RGS8: variants seen among roughly 807,000 people sequenced by gnomAD.
The protein encoded by RGS8 is regulator of G protein signaling 8, also known as regulator of G-protein signaling 8.
In RGS8, 8 loss-of-function variants were observed where a neutral mutation model predicts 21.7. The observed-to-expected ratio is 0.37, with a 90% CI of 0.22 to 0.66. The LOEUF (loss-of-function observed/expected upper bound fraction) is 0.66. Among genes scored for constraint, RGS8 ranks in the 30% least tolerant of loss-of-function variants. The pLI is 0.59. For synonymous variants in RGS8, 80 were observed against 83.6 expected, an observed-to-expected ratio of 0.96 and a Z score of 0.24; for missense variants, 157 against 217.9, an observed-to-expected ratio of 0.72 and a Z score of 1.76.
the RGS8 span, among the ~76,000 whole-genome samples, chr1:182,726,181 T>C: frequency 2.1e-5 from 3 of 144,802 alleles, no homozygotes; most frequent in Middle Eastern, 3.5e-3. Context: ...GTGATGCTAA[T>C]CTCAAAAAAA....
the RGS8 span, among the ~76,000 whole-genome samples, chr1:182,691,960 G>C: frequency 2.6e-5 from 4 of 150,950 alleles, no homozygotes; most frequent in Admixed American, 1.3e-4. Context: ...CTTCAGCAAA[G>C]TTTCAGGATA....
chr1:182,748,906 G>A, the RGS8 span, among the ~76,000 whole-genome samples: 1 of 152,054 alleles, frequency 6.6e-6, no homozygotes, highest in Non-Finnish European at 1.5e-5. Context: ...GTCTTCTTTT[G>A]GGAAATGCTT....
chr1:182,657,177 AATAGAGCCAGCTCCACACTG>A (rs986872722), intron 5 of RGS8, among the ~76,000 whole-genome samples: 18 of 149,374 alleles, frequency 1.2e-4, no homozygotes, highest in African/African-American at 4.5e-4. Flanking sequence ...TACTGCGTGG[AATAGAGCCAGCTCCACACTG>A]TTTCTCCCCT....
the RGS8 span, among the ~76,000 whole-genome samples, chr1:182,728,809 A>T: frequency 6.6e-6 from 1 of 152,218 alleles, no homozygotes. Context: ...GGACAAGTTT[A>T]CTATTTAGAA....
the RGS8 span, among the ~76,000 whole-genome samples, chr1:182,747,043 C>CTGTTTTTTTTTTTT: frequency 4.8e-5 from 1 of 21,028 alleles, no homozygotes; most frequent in African/African-American, 1.4e-4. Context: ...CACTGCTGGT[C>CTGTTTTTTTTTTTT]TTTTTTTTTT....
At chr1:182,664,632 T>C (rs1663766031) in intron 5 of RGS8, among the ~76,000 whole-genome samples, 1 of 152,246 alleles carries the variant, frequency 6.6e-6, no homozygotes, top group South Asian at 2.1e-4. Flanking sequence ...AAATCCTAAA[T>C]ATTATTATAC....
At chr1:182,745,471 T>A in the RGS8 span, among the ~76,000 whole-genome samples, 1 of 152,216 alleles carries the variant, frequency 6.6e-6, no homozygotes, top group African/African-American at 2.4e-5. Flanking sequence ...AGCAGAACCT[T>A]GATCGGGCAA....
intron 3 of RGS8, among the ~76,000 whole-genome samples, chr1:182,668,261 A>G (rs551246): frequency 0.08 from 12,254 of 152,240 alleles, 1,261 homozygotes; most frequent in African/African-American, 0.24. Context: ...TAAGTGGGAC[A>G]GGTTTAGTAT....
chr1:182,656,131 A>G (rs1663265811), intron 5 of RGS8, among the ~76,000 whole-genome samples: 1 of 152,222 alleles, frequency 6.6e-6, no homozygotes, highest in South Asian at 2.1e-4. Flanking sequence ...AGTGTGTTTT[A>G]TAAATAAGGA....
the RGS8 span, among the ~76,000 whole-genome samples, chr1:182,725,487 C>T: frequency 6.6e-6 from 1 of 152,096 alleles, no homozygotes; most frequent in African/African-American, 2.4e-5. Context: ...AGCCAGCTGG[C>T]CATCCAGCAG....
chr1:182,731,804 C>G, the RGS8 span, among the ~76,000 whole-genome samples: 1 of 152,228 alleles, frequency 6.6e-6, no homozygotes, highest in Non-Finnish European at 1.5e-5. Context: ...TGAAAAACAG[C>G]AGTATAATAG....
At chr1:182,653,031 T>G (rs2102413509) in intron 5 of RGS8, among the ~76,000 whole-genome samples, 1 of 152,286 alleles carries the variant, frequency 6.6e-6, no homozygotes, top group South Asian at 2.1e-4. Flanking sequence ...GCTTATAGGA[T>G]AGCATACACC....
At chr1:182,688,372 C>G (rs146278106), upstream of RGS8, among the ~76,000 whole-genome samples, 503 of 152,192 alleles carry the variant, frequency 3.3e-3, 1 homozygote, top group African/African-American at 0.011. Context: ...CTCTCTCTCT[C>G]TCTCTCATCT....
the RGS8 span, among the ~76,000 whole-genome samples, chr1:182,721,872 A>G: frequency 6.6e-6 from 1 of 152,234 alleles, no homozygotes; most frequent in Non-Finnish European, 1.5e-5. Context: ...TCTTCCAATC[A>G]CATGTATATA....
At chr1:182,672,971 C>A, upstream of RGS8, 2 of 900,948 alleles carry the variant, frequency 2.2e-6, no homozygotes, top group Non-Finnish European at 3.6e-6. Context: ...AGGCCCCACC[C>A]CTAGACCTAC....
chr1:182,742,332 G>T, the RGS8 span, among the ~76,000 whole-genome samples: 1 of 151,642 alleles, frequency 6.6e-6, no homozygotes, highest in East Asian at 1.9e-4. Flanking sequence ...CTTCCCAGAC[G>T]GGGTGGCGGC....
At chr1:182,698,148 T>C in the RGS8 span, among the ~76,000 whole-genome samples, 1 of 152,340 alleles carries the variant, frequency 6.6e-6, no homozygotes, top group East Asian at 1.9e-4. Flanking sequence ...CAGTGGCTGC[T>C]GGCCACTAGA....
intron 1 of RGS8, among the ~76,000 whole-genome samples, chr1:182,680,939 C>T (rs1164356463): frequency 1.3e-5 from 2 of 152,244 alleles, no homozygotes; most frequent in South Asian, 2.1e-4. Flanking sequence ...CAAGCTCCAA[C>T]TCTGCCCCTT....
the RGS8 span, among the ~76,000 whole-genome samples, chr1:182,702,659 CA>C: frequency 3.3e-5 from 5 of 152,176 alleles, no homozygotes; most frequent in East Asian, 9.6e-4. Flanking sequence ...TTTATATCAT[CA>C]GTGATTTTCT....
Sources: allele counts gnomAD v4.1 joint callset (sites outside exome capture counted in the v4.1 genomes callset), GRCh38; gene constraint gnomAD v4.1.1; transcripts MANE v1.5; gene names NCBI Gene and HGNC (gene_info 2026-07-23, HGNC 2026-07-21).